BRWD1: variants seen among roughly 807,000 people sequenced by gnomAD.
BRWD1 encodes bromodomain and WD repeat-containing protein 1.
A neutral mutation model predicts 251.2 loss-of-function variants in BRWD1; 82 were observed. The ratio of observed to expected loss-of-function variants is 0.33; its 90% CI spans 0.27 to 0.39. The LOEUF is 0.39. BRWD1 is among the 10% of genes least tolerant of loss of function. BRWD1 has a pLI of 1.00. For missense variants in BRWD1, 2,233 were observed against 2,711.6 expected (o/e 0.82, Z 3.92); for synonymous variants, 918 against 902.8 (o/e 1.02, Z -0.30).
intron 1 of BRWD1, among the ~76,000 whole-genome samples, chr21:39,320,056 T>G (rs78237836): frequency 6.6e-6 from 1 of 152,084 alleles, no homozygotes; most frequent in Non-Finnish European, 1.5e-5. Flanking sequence ...CTCTCCTCCC[T>G]CCCTGCTCCA....
chr21:39,210,858 T>C lies in BRWD1; in HGVS notation c.3972A>G (p.Glu1324=), dbSNP rs1236404908. 2.5e-6 allele frequency: 4 copies of C among 1,612,816 alleles called. No homozygotes were observed. Among genetic ancestry groups the C allele is most frequent in the Non-Finnish European group, 2.5e-6 (3 of 1,179,584 alleles). The part of the protein sequence containing the change: ...VESNWKKQCK[E]LVNLIFQCED... ...CACACTGAAAAATTAAGTTCACTAGTTCCTTACACTGTTTCTTCCAGTTGC... is the reference window on the plus strand; with the variant it reads ...CACACTGAAAAATTAAGTTCACTAGCTCCTTACACTGTTTCTTCCAGTTGC... The change falls in exon 35 of 41, where the codon GAA becomes GAG. Residue 1324 remains glutamate, a synonymous_variant. Coordinates refer to ENST00000342449, the MANE Select transcript of BRWD1 (RefSeq NM_033656.4).
chr21:39,220,846 T>C (rs2033147002), intron 29 of BRWD1, among the ~76,000 whole-genome samples: 2 of 151,988 alleles, frequency 1.3e-5, no homozygotes, highest in African/African-American at 2.4e-5. Flanking sequence ...AAAATATAAA[T>C]ATATAAGATA....
At position 39,195,510 on chromosome 21, in the gene BRWD1, A is replaced by G. The variant is rs1026287822; in HGVS notation, c.*749T>C. On this transcript the variant is annotated 3_prime_UTR_variant, in exon 41 of 41. Transcript: ENST00000342449. ...TTATATAGCATTTTGTTAGTGCACA[A>G]TTTAAAAGAAAATGCTCTGACTATG... The G allele has an allele frequency of 4.1e-6, 4 of 984,238 alleles. No homozygotes were observed. The African/African-American group carries it at 5.2e-5, about 13-fold the overall frequency. The allele number at this position is 984,238 out of a possible 1,614,324, so 61.0% of individuals were successfully genotyped here.
intron 22 of BRWD1, 129 bp from the exon 23 acceptor site, chr21:39,236,913 T>TGA: frequency 1.4e-6 from 1 of 726,166 alleles, no homozygotes; most frequent in South Asian, 2.1e-5. Context: ...AGACTTAACT[T>TGA]GAGCATTCTC....
At chr21:39,229,170 C>T in intron 26 of BRWD1, 142 bp downstream of exon 26, 2 of 708,642 alleles carry the variant, frequency 2.8e-6, no homozygotes, top group Non-Finnish European at 2.3e-6. Flanking sequence ...TCCTAGCCAT[C>T]AGAAGCTCGA....
At chr21:39,245,061 T>A (rs1389116772) in intron 21 of BRWD1, among the ~76,000 whole-genome samples, 1 of 149,898 alleles carries the variant, frequency 6.7e-6, no homozygotes, top group African/African-American at 2.4e-5. Context: ...AAAAAAAGAA[T>A]GTAAAAACAT....
chr21:39,225,176 A>G lies in BRWD1; in HGVS notation c.3230T>C (p.Ile1077Thr). Residue 1077 changes from isoleucine (I) to threonine (T), a missense_variant, in exon 28 of 41, where the codon ATT becomes ACT. Ile to Thr is a moderately conservative substitution (Grantham distance 89). Around this residue, in one of 12 missense-constraint regions of BRWD1, gnomAD observed 139 missense variants for 272.8 expected, o/e 0.51. Coordinates refer to ENST00000342449, the MANE Select transcript of BRWD1 (RefSeq NM_033656.4). ...WQSCDRFRSI[I>T]DDAWWFGTVL... ...TGTTCCAAACCACCAAGCATCATCA[A>G]TAATAGAGCGGAATCTGTCACCTAG... 1.2e-6 allele frequency: 2 copies of G among 1,612,976 alleles called. No individual in the cohort carries two copies. Among genetic ancestry groups the G allele is most frequent in the Non-Finnish European group, 1.7e-6 (2 of 1,179,216 alleles).
intron 4 of BRWD1, 182 bp downstream of exon 4, chr21:39,312,659 A>C: frequency 2.3e-6 from 1 of 427,812 alleles, no homozygotes; most frequent in South Asian, 2.8e-5. Flanking sequence ...TTCCTGCCAA[A>C]ACAAACCTGG....
upstream of BRWD1, chr21:39,313,650 G>T (rs893270133): frequency 8.4e-6 from 4 of 478,396 alleles, no homozygotes; most frequent in Non-Finnish European, 3.3e-6. Flanking sequence ...CGCCTCCGCG[G>T]GGGAGGAAGT....
chr21:39,203,438 C>CTGTTTTTTTTTTTT (rs2032215172), intron 37 of BRWD1, among the ~76,000 whole-genome samples: 1 of 67,716 alleles, frequency 1.5e-5, no homozygotes. Context: ...GACCCTGGTT[C>CTGTTTTTTTTTTTT]TTTTTTTTTT....
chr21:39,297,017 AG>A (rs2035979821), intron 5 of BRWD1: 1 of 985,294 alleles, frequency 1.0e-6, no homozygotes, highest in East Asian at 1.1e-4. Flanking sequence ...CCTTCATTGT[AG>A]GATCACAGAA....
chr21:39,269,821 T>A, intron 15 of BRWD1, 78 bp downstream of exon 15: 1 of 1,254,270 alleles, frequency 8.0e-7, no homozygotes, highest in Non-Finnish European at 1.0e-6. Flanking sequence ...AGCAGATCAA[T>A]TTCTGGCTAA....
In BRWD1 at chr21:39,210,103, T is replaced by A. The variant is rs1287401640; in HGVS notation, c.4089A>T (p.Val1363=). The part of the protein sequence containing the change: ...IIDTPMDFGT[V]RETLDAGNYD... ...AATTTCCCGCATCTAGAGTTTCCCT[T>A]ACTGTTCCAAAATCCATTGGGGTAT... Residue 1363 remains valine (V), a synonymous_variant, in exon 36 of 41, where the codon GTA becomes GTT. Coordinates refer to ENST00000342449, the MANE Select transcript of BRWD1 (RefSeq NM_033656.4). 70 of 1,612,968 alleles carry A rather than the reference T, an allele frequency of 4.3e-5. No homozygotes were observed. Among genetic ancestry groups the A allele is most frequent in the Non-Finnish European group, 5.7e-5 (67 of 1,179,190 alleles).
Position 39,225,100 on chromosome 21 carries a change from C to T in BRWD1, c.3306G>A (p.Gln1102=), listed in dbSNP as rs762441192. 3.1e-6 allele frequency: 5 copies of T among 1,603,920 alleles called. No individual in the cohort carries two copies. The Admixed American group carries it at 8.3e-5, about 27-fold the overall frequency. Residue 1102 remains glutamine (Q), a synonymous_variant, in exon 28 of 41, where the codon CAG becomes CAA. Transcript: ENST00000342449. Reference sequence around the variant, plus strand: ...TGTATACAAACCTAACAATATAACACTGGAAATGACTATCAGGATACTGTG... The same window carrying T: ...TGTATACAAACCTAACAATATAACATTGGAAATGACTATCAGGATACTGTG... The part of the protein sequence containing the change: ...YQPQYPDSHF[Q]CYIVRWDNTE...
chr21:39,211,395 T>C (rs921590178), intron 34 of BRWD1, among the ~76,000 whole-genome samples: 11 of 152,326 alleles, frequency 7.2e-5, no homozygotes, highest in East Asian at 5.8e-4. Context: ...CTTGAATTGA[T>C]TGCTTGGACC....
At chr21:39,254,382 C>T (rs1338354770) in intron 19 of BRWD1, among the ~76,000 whole-genome samples, 1 of 151,348 alleles carries the variant, frequency 6.6e-6, no homozygotes, top group Non-Finnish European at 1.5e-5. Context: ...AGTAAGGATG[C>T]TATGGAAAAC....
upstream of BRWD1, chr21:39,313,933 A>C (rs886512158): frequency 6.0e-6 from 2 of 335,388 alleles, no homozygotes; most frequent in African/African-American, 4.6e-5. Context: ...GTGGCCCAGC[A>C]GCGGGCGGGT....
chr21:39,238,557 T>C lies in BRWD1; in HGVS notation c.2498A>G (p.Gln833Arg). The C allele has an allele frequency of 6.2e-7, 1 of 1,613,276 alleles. No homozygotes were observed. The highest frequency in any genetic ancestry group is 2.2e-5 in the East Asian group (1 of 44,808). ...SSVRHETSCD[Q>R]SEGSGSSEED... is the part of the protein sequence containing the mutation. ...TTCTGAAGAACCAGAACCTTCACTC[T>C]GATCACAGGAAGTCTCCTAATTTGT... The change falls in exon 22 of 41, where the codon CAG becomes CGG. Residue 833 changes from glutamine (Q) to arginine (R), a missense_variant. Around this residue, in one of 12 missense-constraint regions of BRWD1, gnomAD observed 214 missense variants for 222.0 expected, o/e 0.96. Transcript: ENST00000342449.
chr21:39,279,364 CGTG>C (rs2035376805), intron 9 of BRWD1, among the ~76,000 whole-genome samples: 1 of 152,142 alleles, frequency 6.6e-6, no homozygotes, highest in Admixed American at 6.5e-5. Flanking sequence ...ACAGGCCAGG[CGTG>C]GTGGCTCACG....
Sources: gnomAD v4.1 joint callset for allele counts (sites outside exome capture counted in the v4.1 genomes callset) on GRCh38, gnomAD v4.1.1 for gene constraint, gnomAD v4.1.1 regional missense constraint, MANE v1.5 for transcripts, NCBI Gene and HGNC (gene_info 2026-07-23, HGNC 2026-07-21) for gene names.